OTUD4: variants seen among roughly 807,000 people sequenced by gnomAD.
OTUD4 encodes the protein OTU domain-containing protein 4.
OTUD4 carries 24 observed loss-of-function variants against 130.4 expected under a neutral mutation model. That is an observed-to-expected ratio of 0.18 (90% CI 0.13 to 0.26). OTUD4 has a LOEUF of 0.26. Ranked by LOEUF, OTUD4 falls within the 10% of genes least tolerant of loss-of-function variation. OTUD4 has a pLI of 1.00. For missense variants in OTUD4, 1,031 were observed against 1,329.4 expected, an observed-to-expected ratio of 0.78 and a Z score of 3.49; for synonymous variants, 420 against 472.5, an observed-to-expected ratio of 0.89 and a Z score of 1.44.
chr4:145,144,059 G>C, intron 15 of OTUD4, 58 bp from the exon 16 acceptor site: 1 of 1,356,260 alleles, frequency 7.4e-7, no homozygotes, highest in Non-Finnish European at 1.0e-6. Flanking sequence ...TCTGAACACA[G>C]AAGAACAAAA....
chr4:145,138,923 T>C (rs986300154), intron 20 of OTUD4, among the ~76,000 whole-genome samples: 6 of 152,222 alleles, frequency 3.9e-5, no homozygotes, highest in Admixed American at 2.0e-4. Flanking sequence ...ACTGACTGTT[T>C]AGCCAGACCT....
intron 6 of OTUD4, among the ~76,000 whole-genome samples, chr4:145,160,820 A>G (rs1313887240): frequency 3.3e-5 from 5 of 151,546 alleles, no homozygotes; most frequent in African/African-American, 9.7e-5. Flanking sequence ...CTTAAAAAAC[A>G]GCAAAGGCCG....
At chr4:145,148,164 T>A (rs1241123466) in intron 13 of OTUD4, among the ~76,000 whole-genome samples, 1 of 152,124 alleles carries the variant, frequency 6.6e-6, no homozygotes, top group East Asian at 1.9e-4. Context: ...TAAAAAAGGA[T>A]CCTAATAAGA....
rs1191367406 is a variant in OTUD4 at position 145,135,141 on chromosome 4, GT to G, written c.*2288del. ...AAGATTAATTTTAAAACTATCAAAA[GT>G]CAGTTCTTTTATTCCAGAGGTCACT... On this transcript the variant is annotated 3_prime_UTR_variant, in exon 21 of 21. Coordinates refer to ENST00000447906, the MANE Select transcript of OTUD4 (RefSeq NM_001366057.1). The G allele has an allele frequency of 3.4e-6, 1 of 294,368 alleles. No homozygotes were observed. Among genetic ancestry groups the G allele is most frequent in the African/African-American group, 2.2e-5 (1 of 46,470 alleles). The allele number at this position is 294,368 out of a possible 1,614,324, so 18.2% of individuals were successfully genotyped here.
At chr4:145,170,610 T>A (rs904576350) in intron 3 of OTUD4, among the ~76,000 whole-genome samples, 2 of 152,224 alleles carry the variant, frequency 1.3e-5, no homozygotes, top group African/African-American at 4.8e-5. Flanking sequence ...TAGGGAAACT[T>A]TTTTGTTATC....
intron 15 of OTUD4, 118 bp downstream of exon 15, chr4:145,144,193 T>C (rs1750714497): frequency 3.4e-6 from 4 of 1,178,984 alleles, no homozygotes; most frequent in South Asian, 2.9e-5. Flanking sequence ...ATTCAAAATA[T>C]GTGACATTAG....
intron 20 of OTUD4, 41 bp from the exon 21 acceptor site, chr4:145,138,691 AAAAAG>A: frequency 6.5e-7 from 1 of 1,548,946 alleles, no homozygotes; most frequent in Non-Finnish European, 8.7e-7. Context: ...AAAGAGGAGA[AAAAAG>A]AGAGGTTTGG....
At chr4:145,169,686 C>A (rs1324838757) in intron 3 of OTUD4, among the ~76,000 whole-genome samples, 2 of 152,054 alleles carry the variant, frequency 1.3e-5, no homozygotes, top group Non-Finnish European at 2.9e-5. Flanking sequence ...AGGGTTTCAC[C>A]ATCTTGAACT....
chr4:145,150,990 T>A (rs1751040723), intron 11 of OTUD4, 85 bp from the exon 12 acceptor site: 4 of 740,518 alleles, frequency 5.4e-6, no homozygotes, highest in Non-Finnish European at 8.2e-6. Context: ...TCAGCTTATA[T>A]AAGAATTTCT....
At chr4:145,179,641 T>C in intron 1 of OTUD4, 174 bp downstream of exon 1, 1 of 1,399,510 alleles carries the variant, frequency 7.1e-7, no homozygotes, top group Non-Finnish European at 9.2e-7. Flanking sequence ...TTTGCACCTT[T>C]CAGACGCAAA....
rs1370127264 is a variant in OTUD4, at chr4:145,138,334, A to G, written c.2441T>C (p.Leu814Pro). The G allele has an allele frequency of 1.2e-6, 2 of 1,614,056 alleles. No homozygotes were observed. The highest frequency in any genetic ancestry group is 2.2e-5 in the East Asian group (1 of 44,890). Residue 814 changes from leucine to proline, a missense_variant, in exon 21 of 21, where the codon CTT becomes CCT. Physicochemically the swap from Leu to Pro is moderately conservative, Grantham distance 98 (BLOSUM62 -3). Coordinates refer to ENST00000447906, the MANE Select transcript of OTUD4 (RefSeq NM_001366057.1). ...AAGCTGCCCAGGGGTCTCAGATTCA[A>G]GATCAGCCTGGTAAGACAATTGTCC... ...SHGQLSYQAD[L>P]ESETPGQLLH...
In OTUD4 at chr4:145,155,811, A is replaced by T. The variant is rs1446630539; in HGVS notation, c.690+125T>A. 8 of 991,644 alleles carry T rather than the reference A, an allele frequency of 8.1e-6. No homozygotes were observed. In the South Asian group the frequency reaches 1.3e-4, roughly 17 times the overall value. 61.4% of individuals were successfully genotyped at this position (991,644 alleles called of 1,614,324 possible). A position where few individuals can be genotyped will look rare whatever the true frequency, so the allele number is the denominator to read the frequency against. The stretch of plus-strand genomic sequence containing the variant: ...CAAAAAATTAGGAAGCCACCAAATC[A>T]ATTTCTGAGTAGATGATCCTGACTT... On this transcript the variant is annotated intron_variant, in intron 8 of 20. Coordinates refer to ENST00000447906, the MANE Select transcript of OTUD4 (RefSeq NM_001366057.1).
intron 17 of OTUD4, among the ~76,000 whole-genome samples, chr4:145,142,587 T>C (rs905175122): frequency 6.6e-6 from 1 of 152,262 alleles, no homozygotes; most frequent in African/African-American, 2.4e-5. Flanking sequence ...GGTTTCACCC[T>C]GTTGCCCAGG....
At position 145,141,564 on chromosome 4, in the gene OTUD4, G is replaced by T. The variant is rs201690512; in HGVS notation, c.1898C>A (p.Ala633Asp). 6.2e-7 allele frequency: 1 copy of T among 1,607,248 alleles called. No homozygotes were observed. Among genetic ancestry groups the T allele is most frequent in the Non-Finnish European group, 8.5e-7 (1 of 1,176,326 alleles). Reference protein sequence around the residue: ...TTGPDSAVSQAHLTPSPVPVS... With the variant: ...TTGPDSAVSQDHLTPSPVPVS... ...AGGAACTGGAGAGGGTGTTAAATGA[G>T]CTTGGGATACAGCTGAATCAGGTCC... is the stretch of plus-strand genomic sequence containing the variant. Residue 633 changes from alanine to aspartate, a missense_variant, in exon 19 of 21, where the codon GCT (alanine) becomes GAT (aspartate). Ala to Asp is a moderately radical substitution (Grantham distance 126). This residue lies in a region of OTUD4 where 900 missense variants were observed against 1,095.9 expected (regional missense o/e 0.82). Transcript: ENST00000447906.
chr4:145,155,261 C>T (rs36225840), intron 10 of OTUD4, 150 bp downstream of exon 10: 20,036 of 642,592 alleles, frequency 0.031, 360 homozygotes, highest in Non-Finnish European at 0.043. Flanking sequence ...AAGCTAAATA[C>T]TTGTAAACTA....
chr4:145,153,442 G>T (rs945565948), intron 10 of OTUD4, among the ~76,000 whole-genome samples: 1 of 152,162 alleles, frequency 6.6e-6, no homozygotes, highest in Non-Finnish European at 1.5e-5. Context: ...AACTCATGGA[G>T]ATGGAATGAG....
chr4:145,165,920 G>A (rs973905526), intron 3 of OTUD4, among the ~76,000 whole-genome samples: 1 of 152,040 alleles, frequency 6.6e-6, no homozygotes. Flanking sequence ...CCAATACTTT[G>A]GCAGGCCAAG....
Position 145,142,189 on chromosome 4 carries a change from C to G in OTUD4, c.1822+7G>C. 1 of 1,611,622 alleles carries G rather than the reference C, an allele frequency of 6.2e-7. No homozygotes were observed. Among genetic ancestry groups the G allele is most frequent in the Non-Finnish European group, 8.5e-7 (1 of 1,179,276 alleles). On this transcript the variant is annotated splice_region_variant and intron_variant, in intron 18 of 20. Coordinates refer to ENST00000447906, the MANE Select transcript of OTUD4 (RefSeq NM_001366057.1). ...GGCTGGCTAGATTTTCTAAACCCTT[C>G]TCTAACCTGTTGGTCCAAAAGTTGT...
chr4:145,151,505 C>G, intron 11 of OTUD4, among the ~76,000 whole-genome samples: 1 of 152,058 alleles, frequency 6.6e-6, no homozygotes, highest in East Asian at 1.9e-4. Context: ...CGTAGTGACA[C>G]ATGCCTGTAA....
Sources: allele counts gnomAD v4.1 joint callset (sites outside exome capture counted in the v4.1 genomes callset), GRCh38; gene constraint gnomAD v4.1.1; regional missense constraint gnomAD v4.1.1; transcripts MANE v1.5; gene names NCBI Gene and HGNC (gene_info 2026-07-23, HGNC 2026-07-21).